The following THUMPD2 variants were observed in gnomAD, a reference collection of about 807,000 sequenced individuals.
THUMPD2 encodes the protein THUMP domain 2 tRNA and snRNA guanosine methyltransferase, also known as U6 snRNA (guanine-N(2))-methyltransferase THUMPD2.
A neutral mutation model predicts 49.4 loss-of-function variants in THUMPD2; 56 were observed. The observed-to-expected ratio is 1.13, with a 90% CI of 0.91 to 1.41. THUMPD2 has a LOEUF of 1.41. THUMPD2 is among the 40% of genes most tolerant of loss of function. The probability of loss-of-function intolerance (pLI) is 0.00; values close to 1 mark genes in which losing one functional copy is unlikely to be tolerated. For synonymous variants in THUMPD2, 237 were observed against 205.2 expected (o/e 1.15, Z -1.32); for missense variants, 709 against 594.5 (o/e 1.19, Z -2.00).
intron 6 of THUMPD2, 74 bp downstream of exon 6, chr2:39,761,257 C>T: frequency 8.0e-7 from 1 of 1,254,174 alleles, no homozygotes; most frequent in Non-Finnish European, 1.1e-6. Context: ...CATAAATATC[C>T]ATCAATAAGA....
chr2:39,736,593 T>A lies in THUMPD2; in HGVS notation c.*142A>T, dbSNP rs1673107320. ...AGCAGAAACTCTTACCAAGCATGTG[T>A]ACCCATCAGCCACACCTCCTGTCTT... is the stretch of plus-strand genomic sequence containing the variant. On this transcript the variant is annotated 3_prime_UTR_variant, in exon 10 of 10. Coordinates refer to ENST00000505747, the MANE Select transcript of THUMPD2 (RefSeq NM_025264.5). 1.5e-6 allele frequency: 1 copy of A among 652,958 alleles called. No individual in the cohort carries two copies. The highest frequency in any genetic ancestry group is 2.6e-6 in the Non-Finnish European group (1 of 386,604). The allele number at this position is 652,958 out of a possible 1,614,324, so 40.4% of individuals were successfully genotyped here.
At chr2:39,771,901 A>G in intron 1 of THUMPD2, among the ~76,000 whole-genome samples, 1 of 152,198 alleles carries the variant, frequency 6.6e-6, no homozygotes, top group East Asian at 1.9e-4. Context: ...GTCTAGCCCA[A>G]GATGGATATT....
At chr2:39,743,816 C>CT (rs1674228225) in intron 9 of THUMPD2, among the ~76,000 whole-genome samples, 2 of 152,338 alleles carry the variant, frequency 1.3e-5, no homozygotes, top group South Asian at 4.1e-4. Flanking sequence ...AAGTAAACCT[C>CT]TTTTCTTTAC....
rs575084738 is a variant in THUMPD2, at chr2:39,760,975, T to A, written c.891+356A>T. On this transcript the variant is annotated intron_variant, in intron 6 of 9. Transcript: ENST00000505747. ...TCTTCACTAGAAGATAAAGTCATCT[T>A]ATGTCCATAGAACATTTACAAAAAT... Among the ~76,000 whole-genome samples, 5 of 152,310 alleles carry A rather than the reference T, an allele frequency of 3.3e-5. No homozygotes were observed. In the East Asian group the frequency reaches 9.6e-4, roughly 29 times the overall value.
chr2:39,769,080 C>A, intron 3 of THUMPD2: 1 of 1,304,292 alleles, frequency 7.7e-7, no homozygotes, highest in South Asian at 1.2e-5. Context: ...TGGTGACAAT[C>A]CCATGTACAG....
chr2:39,759,872 G>A (rs972108604), intron 6 of THUMPD2, among the ~76,000 whole-genome samples: 3 of 152,116 alleles, frequency 2.0e-5, no homozygotes, highest in Admixed American at 6.6e-5. Flanking sequence ...ACAGTATATC[G>A]TTTAAATACC....
At chr2:39,748,407 T>C (rs1674891311) in intron 8 of THUMPD2, among the ~76,000 whole-genome samples, 1 of 151,990 alleles carries the variant, frequency 6.6e-6, no homozygotes, top group Non-Finnish European at 1.5e-5. Flanking sequence ...GTTCTGTGTA[T>C]ATTTTAAAAA....
intron 8 of THUMPD2, among the ~76,000 whole-genome samples, chr2:39,748,352 T>G (rs1674884841): frequency 6.6e-6 from 1 of 152,198 alleles, no homozygotes; most frequent in Non-Finnish European, 1.5e-5. Flanking sequence ...GAAGCATTTT[T>G]TTTGCATTCA....
At chr2:39,747,309 T>C (rs1281137204) in intron 8 of THUMPD2, among the ~76,000 whole-genome samples, 2 of 152,236 alleles carry the variant, frequency 1.3e-5, no homozygotes, top group African/African-American at 2.4e-5. Context: ...TCTCGTTTGG[T>C]TGCTGAATTT....
At chr2:39,768,663 C>T in intron 3 of THUMPD2, 162 bp from the exon 4 acceptor site, 1 of 715,256 alleles carries the variant, frequency 1.4e-6, no homozygotes, top group South Asian at 1.9e-5. Flanking sequence ...ATTTCCTATT[C>T]AAGGCAGTAA....
chr2:39,750,407 G>A lies in THUMPD2; in HGVS notation c.1078+4888C>T, dbSNP rs186703481. Reference sequence around the variant, plus strand: ...CCATATGAATGTCTTCTTTTGAGAAGTATCTGCTCATGTCTTTTGCTCACT... The same window carrying A: ...CCATATGAATGTCTTCTTTTGAGAAATATCTGCTCATGTCTTTTGCTCACT... On this transcript the variant is annotated intron_variant, in intron 8 of 9. Transcript: ENST00000505747. 1.2e-4 allele frequency among the ~76,000 whole-genome samples: 18 copies of A among 152,292 alleles called. No individual in the cohort carries two copies. In the East Asian group the frequency reaches 3.5e-3, roughly 29 times the overall value.
At chr2:39,753,279 C>T (rs1016869976) in intron 8 of THUMPD2, among the ~76,000 whole-genome samples, 2 of 152,162 alleles carry the variant, frequency 1.3e-5, no homozygotes, top group Non-Finnish European at 2.9e-5. Flanking sequence ...TCTGCAGTCA[C>T]CAGGCCTCAT....
intron 1 of THUMPD2, among the ~76,000 whole-genome samples, chr2:39,777,137 C>A (rs1238794033): frequency 6.6e-6 from 1 of 152,190 alleles, no homozygotes; most frequent in East Asian, 1.9e-4. Context: ...AAATTGAGCA[C>A]CAACTATTTG....
At chr2:39,762,982 G>C (rs1677019392) in intron 5 of THUMPD2, among the ~76,000 whole-genome samples, 1 of 151,602 alleles carries the variant, frequency 6.6e-6, no homozygotes, top group African/African-American at 2.4e-5. Context: ...GCTTAAACCT[G>C]GGCAAAATTA....
At chr2:39,759,114 A>G (rs551291682) in intron 6 of THUMPD2, among the ~76,000 whole-genome samples, 1 of 152,258 alleles carries the variant, frequency 6.6e-6, no homozygotes, top group Non-Finnish European at 1.5e-5. Context: ...AGGATAGGAG[A>G]CTTGGAGGAT....
intron 1 of THUMPD2, among the ~76,000 whole-genome samples, chr2:39,774,028 C>A (rs1678738684): frequency 6.6e-6 from 1 of 152,212 alleles, no homozygotes; most frequent in Admixed American, 6.5e-5. Context: ...TCTCTGAGTA[C>A]CCCAGTTTCC....
intron 8 of THUMPD2, among the ~76,000 whole-genome samples, chr2:39,748,300 A>C (rs1267750019): frequency 6.6e-6 from 1 of 152,252 alleles, no homozygotes; most frequent in Non-Finnish European, 1.5e-5. Flanking sequence ...TACACTTTAA[A>C]ACCCAACTGA....
At chr2:39,737,488 C>T (rs1673253926) in intron 9 of THUMPD2, among the ~76,000 whole-genome samples, 1 of 152,210 alleles carries the variant, frequency 6.6e-6, no homozygotes, top group Non-Finnish European at 1.5e-5. Flanking sequence ...ATGTCAGCTT[C>T]TTGAGGAGAA....
intron 3 of THUMPD2, 162 bp downstream of exon 3, chr2:39,769,547 CA>C: frequency 1.7e-6 from 1 of 602,476 alleles, no homozygotes; most frequent in Admixed American, 3.8e-5. Flanking sequence ...ACTAAAAATA[CA>C]AAAATTAGCT....
Sources: allele counts gnomAD v4.1 joint callset (sites outside exome capture counted in the v4.1 genomes callset), GRCh38; gene constraint gnomAD v4.1.1; transcripts MANE v1.5; gene names NCBI Gene and HGNC (gene_info 2026-07-23, HGNC 2026-07-21).